TXK: variants seen among roughly 807,000 people sequenced by gnomAD.
TXK encodes TXK tyrosine kinase.
A neutral mutation model predicts 81.0 loss-of-function variants in TXK; 60 were observed. The ratio of observed to expected loss-of-function variants is 0.74; its 90% CI spans 0.60 to 0.92. The LOEUF is 0.92. TXK is among the 40% of genes least tolerant of loss of function. The probability of loss-of-function intolerance (pLI) is 0.00; values close to 1 mark genes in which losing one functional copy is unlikely to be tolerated. For synonymous variants in TXK, 203 were observed against 210.7 expected (o/e 0.96, Z 0.32); for missense variants, 581 against 638.3 (o/e 0.91, Z 0.97).
At chr4:48,068,936 C>CAT (rs1560336020) in intron 14 of TXK, among the ~76,000 whole-genome samples, 2 of 124,866 alleles carry the variant, frequency 1.6e-5, no homozygotes, top group South Asian at 2.7e-4. Context: ...CCTGTTTCTG[C>CAT]GCATGAATCC....
intron 1 of TXK, among the ~76,000 whole-genome samples, chr4:48,120,376 T>C (rs897264784): frequency 6.6e-6 from 1 of 150,700 alleles, no homozygotes; most frequent in Non-Finnish European, 1.5e-5. Context: ...ATAAAATACA[T>C]ATATACGTAT....
chr4:48,090,087 T>C (rs996456341), intron 8 of TXK, among the ~76,000 whole-genome samples: 6 of 152,208 alleles, frequency 3.9e-5, no homozygotes, highest in Non-Finnish European at 8.8e-5. Context: ...TAGATTGTTA[T>C]CATCTTGGTG....
intron 9 of TXK, among the ~76,000 whole-genome samples, chr4:48,086,957 G>A (rs1717558353): frequency 6.7e-6 from 1 of 150,062 alleles, no homozygotes; most frequent in South Asian, 2.2e-4. Flanking sequence ...CTAGACCTGG[G>A]ACCCAAAATA....
chr4:48,102,169 GGGTTTCATCATGTTGGCCAGTCT>G (rs1436005119), intron 6 of TXK, among the ~76,000 whole-genome samples: 126 of 152,140 alleles, frequency 8.3e-4, no homozygotes, highest in African/African-American at 2.9e-3. Flanking sequence ...AGGAGAGACG[GGGTTTCATCATGTTGGCCAGTCT>G]GGTCTCAAAC....
At chr4:48,117,969 A>C (rs905937205) in intron 1 of TXK, among the ~76,000 whole-genome samples, 2 of 152,180 alleles carry the variant, frequency 1.3e-5, no homozygotes, top group African/African-American at 4.8e-5. Flanking sequence ...AACATGGGTC[A>C]TCTTGTCAAT....
chr4:48,100,056 C>CAGCT (rs1718132265), intron 6 of TXK, among the ~76,000 whole-genome samples: 2 of 150,564 alleles, frequency 1.3e-5, no homozygotes, highest in Non-Finnish European at 3.0e-5. Flanking sequence ...CCTGTAGTCC[C>CAGCT]AGCTACTCGG....
intron 8 of TXK, among the ~76,000 whole-genome samples, chr4:48,091,551 G>A (rs1717776269): frequency 6.6e-6 from 1 of 151,788 alleles, no homozygotes; most frequent in Non-Finnish European, 1.5e-5. Context: ...TGTTGCCCAG[G>A]CTGGAGTGCA....
At chr4:48,120,759 G>C (rs1319549553) in intron 1 of TXK, among the ~76,000 whole-genome samples, 1 of 152,050 alleles carries the variant, frequency 6.6e-6, no homozygotes, top group Non-Finnish European at 1.5e-5. Flanking sequence ...CCAAAGTCCT[G>C]GGATTAAAGG....
chr4:48,119,085 C>A (rs1450902213), intron 1 of TXK, among the ~76,000 whole-genome samples: 2 of 152,156 alleles, frequency 1.3e-5, no homozygotes, highest in African/African-American at 4.8e-5. Context: ...TTTAGGGACA[C>A]AACAACCTCA....
At chr4:48,120,078 TAC>T (rs33968490) in intron 1 of TXK, among the ~76,000 whole-genome samples, 145,833 of 149,470 alleles carry the variant, frequency 0.98, 71,177 homozygotes, top group African/African-American at 0.99. Context: ...AGCATATATA[TAC>T]ACACACACAC....
At chr4:48,079,379 A>T (rs1404332174) in intron 11 of TXK, among the ~76,000 whole-genome samples, 1 of 152,090 alleles carries the variant, frequency 6.6e-6, no homozygotes, top group East Asian at 1.9e-4. Flanking sequence ...TATTTTGCAG[A>T]CCCTGCACTT....
intron 1 of TXK, among the ~76,000 whole-genome samples, chr4:48,120,172 C>CATAA (rs1560361740): frequency 6.6e-4 from 22 of 33,568 alleles, no homozygotes; most frequent in Non-Finnish European, 4.8e-4. Context: ...TATGTATATA[C>CATAA]GTATATGTGT....
intron 1 of TXK, among the ~76,000 whole-genome samples, chr4:48,115,587 C>T (rs569529689): frequency 1.5e-4 from 23 of 152,194 alleles, no homozygotes; most frequent in Admixed American, 3.3e-4. Flanking sequence ...TGGCTCATGC[C>T]GCTAATCCCA....
At chr4:48,099,719 C>T (rs1174036132) in intron 6 of TXK, among the ~76,000 whole-genome samples, 1 of 152,100 alleles carries the variant, frequency 6.6e-6, no homozygotes, top group Non-Finnish European at 1.5e-5. Context: ...ATCAGTAAAA[C>T]CAAGTAGAAA....
intron 1 of TXK, among the ~76,000 whole-genome samples, chr4:48,128,911 C>T (rs752652603): frequency 5.3e-5 from 8 of 151,868 alleles, no homozygotes; most frequent in Non-Finnish European, 7.4e-5. Flanking sequence ...TGAAGATAGG[C>T]ACGTTTTAGC....
intron 10 of TXK, among the ~76,000 whole-genome samples, chr4:48,082,664 C>A (rs1245145925): frequency 6.6e-6 from 1 of 152,142 alleles, no homozygotes. Context: ...GTGAGAACAG[C>A]CATTCCTGTT....
rs1243843442 is a variant in TXK at position 48,094,093 on chromosome 4, G to A, written c.693C>T (p.His231=). The change falls in exon 8 of 15, where the codon CAC becomes CAT. Residue 231 remains histidine (H), a synonymous_variant. Transcript: ENST00000264316. ...CCCTCTTACCGGCTGCATTGTGCTG[G>A]TGATACCAGATTAACTCAGGGATTG... The part of the protein sequence containing the change: ...FQSIPELIWY[H]QHNAAGLMTR... 4 of 1,613,558 alleles carry A rather than the reference G, an allele frequency of 2.5e-6. No individual in the cohort carries two copies. The highest frequency in any genetic ancestry group is 1.7e-6 in the Non-Finnish European group (2 of 1,180,034).
At chr4:48,122,727 G>GTT (rs1233165038) in intron 1 of TXK, among the ~76,000 whole-genome samples, 2 of 152,200 alleles carry the variant, frequency 1.3e-5, no homozygotes, top group Admixed American at 6.5e-5. Flanking sequence ...GAATGAATAT[G>GTT]TTTGAAAGAG....
intron 13 of TXK, among the ~76,000 whole-genome samples, chr4:48,073,291 G>A (rs948649879): frequency 6.6e-6 from 1 of 152,074 alleles, no homozygotes; most frequent in African/African-American, 2.4e-5. Context: ...AAGCCTCCAG[G>A]AAGTTTGGGG....
Sources: allele counts gnomAD v4.1 joint callset (sites outside exome capture counted in the v4.1 genomes callset), GRCh38; gene constraint gnomAD v4.1.1; transcripts MANE v1.5; gene names NCBI Gene and HGNC (gene_info 2026-07-23, HGNC 2026-07-21).